The following CABLES1 variants were observed in gnomAD, a reference collection of about 807,000 sequenced individuals.
CABLES1 encodes the protein Cdk5 and Abl enzyme substrate 1, also known as CDK5 and ABL1 enzyme substrate 1.
A neutral mutation model predicts 57.8 loss-of-function variants in CABLES1; 36 were observed. That is an observed-to-expected ratio of 0.62 (90% CI 0.48 to 0.82). The LOEUF is 0.82. CABLES1 is among the 40% of genes least tolerant of loss of function. CABLES1 has a pLI of 0.00. For synonymous variants in CABLES1, 374 were observed against 363.0 expected, an observed-to-expected ratio of 1.03 and a Z score of -0.35; for missense variants, 767 against 836.6, an observed-to-expected ratio of 0.92 and a Z score of 1.03.
At chr18:23,214,215 T>G in intron 4 of CABLES1, 161 bp downstream of exon 4, 1 of 578,190 alleles carries the variant, frequency 1.7e-6, no homozygotes, top group Non-Finnish European at 3.0e-6. Context: ...TCCACTTTCT[T>G]TTCAGCCAGA....
intron 3 of CABLES1, 59 bp from the exon 4 acceptor site, chr18:23,213,918 T>G: frequency 8.1e-7 from 1 of 1,231,904 alleles, no homozygotes; most frequent in East Asian, 2.3e-5. Flanking sequence ...GATTTTGTTT[T>G]TTAGTTTGAT....
chr18:23,143,251 G>A (rs1315466273), intron 1 of CABLES1, among the ~76,000 whole-genome samples: 2 of 152,192 alleles, frequency 1.3e-5, no homozygotes, highest in African/African-American at 4.8e-5. Flanking sequence ...TGTGACTCTG[G>A]CAATTAACTC....
At chr18:23,208,883 T>A (rs1598830712) in intron 3 of CABLES1, among the ~76,000 whole-genome samples, 1 of 152,238 alleles carries the variant, frequency 6.6e-6, no homozygotes, top group East Asian at 1.9e-4. Context: ...GCTGCATCAC[T>A]TCCATCTCTG....
At chr18:23,157,925 G>A (rs2046976471) in intron 1 of CABLES1, among the ~76,000 whole-genome samples, 1 of 152,092 alleles carries the variant, frequency 6.6e-6, no homozygotes, top group Non-Finnish European at 1.5e-5. Flanking sequence ...TATTCTCCAC[G>A]TTGGGCAATT....
chr18:23,183,580 G>A (rs1004165506), intron 1 of CABLES1, among the ~76,000 whole-genome samples: 2 of 152,190 alleles, frequency 1.3e-5, no homozygotes, highest in African/African-American at 4.8e-5. Context: ...GATCTAACTT[G>A]TAACTGTCAG....
At chr18:23,162,345 T>G (rs1189341086) in intron 1 of CABLES1, among the ~76,000 whole-genome samples, 1 of 152,250 alleles carries the variant, frequency 6.6e-6, no homozygotes, top group East Asian at 1.9e-4. Context: ...ACATTCATTA[T>G]TAGCTTAGAC....
chr18:23,134,621 G>A (rs2046803908), upstream of CABLES1: 1 of 152,226 alleles, frequency 6.6e-6, no homozygotes, highest in Admixed American at 6.5e-5. Flanking sequence ...TTATGAGGGA[G>A]AAGAGATCAT....
At chr18:23,200,938 T>C (rs1055850049) in intron 3 of CABLES1, among the ~76,000 whole-genome samples, 1 of 152,184 alleles carries the variant, frequency 6.6e-6, no homozygotes, top group African/African-American at 2.4e-5. Context: ...CCCGCCAGCG[T>C]TATCTCCTGC....
intron 1 of CABLES1, among the ~76,000 whole-genome samples, chr18:23,142,742 C>T (rs1203835215): frequency 6.6e-6 from 1 of 152,088 alleles, no homozygotes; most frequent in African/African-American, 2.4e-5. Context: ...CATAAGTAAA[C>T]GGGCAAGTTG....
In CABLES1 at chr18:23,257,439, ATG is replaced by A; in HGVS notation, c.*73_*74del. On this transcript the variant is annotated 3_prime_UTR_variant, in exon 10 of 10. Transcript: ENST00000256925. Reference sequence around the variant, plus strand: ...GAGCAGCACTTACTTACTACTGGAAATGAAAAAAAGTAGAACTCAGAATACCA... The same window carrying A: ...GAGCAGCACTTACTTACTACTGGAAAAAAAAAAGTAGAACTCAGAATACCA... 2.0e-6 allele frequency: 3 copies of A among 1,481,344 alleles called. No individual in the cohort carries two copies. Among genetic ancestry groups the A allele is most frequent in the African/African-American group, 1.4e-5 (1 of 69,942 alleles). The allele number at this position is 1,481,344 out of a possible 1,614,324, so 91.8% of individuals were successfully genotyped here.
At position 23,235,960 on chromosome 18, in the gene CABLES1, C is replaced by T. The variant is rs1317083650; in HGVS notation, c.1251C>T (p.Asp417=). Residue 417 remains aspartate (D), a synonymous_variant, in exon 6 of 10, where the codon GAC becomes GAT. Transcript: ENST00000256925. ...NAFGARRNTI[D]STSSFSQFRN... ...TTGGAGCCCGGAGAAATACCATAGA[C>T]TCCACCTCCTCTTTCTCCCAGTTCC... 4.3e-6 allele frequency: 7 copies of T among 1,614,082 alleles called. No homozygotes were observed. The Admixed American group carries it at 1.2e-4, about 27-fold the overall frequency.
chr18:23,252,817 C>T (rs2145134452), intron 7 of CABLES1, 143 bp from the exon 8 acceptor site: 2 of 572,438 alleles, frequency 3.5e-6, no homozygotes, highest in South Asian at 4.0e-5. Flanking sequence ...CTCCTGGATT[C>T]CGCCGAGCCC....
At chr18:23,245,311 C>T (rs1386657785) in intron 7 of CABLES1, among the ~76,000 whole-genome samples, 2 of 152,058 alleles carry the variant, frequency 1.3e-5, no homozygotes, top group Non-Finnish European at 2.9e-5. Flanking sequence ...AGTTGGAGAC[C>T]AGCCTAGCCA....
chr18:23,177,477 C>A (rs2047132789), intron 1 of CABLES1, among the ~76,000 whole-genome samples: 1 of 151,628 alleles, frequency 6.6e-6, no homozygotes, highest in African/African-American at 2.4e-5. Flanking sequence ...GTGATACCAG[C>A]CCCAGCCCCG....
At position 23,257,328 on chromosome 18, in the gene CABLES1, A is replaced by G. The variant is rs550806538; in HGVS notation, c.1863A>G (p.Glu621=). Residue 621 remains glutamate, a synonymous_variant, in exon 10 of 10, where the codon GAA becomes GAG. Transcript: ENST00000256925. ...LEFALHLPEH[E]VMPHYRRLVQ... ...TCGCCCTCCACTTGCCCGAGCACGA[A>G]GTCATGCCCCACTACAGACGGCTGG... 1.2e-6 allele frequency: 2 copies of G among 1,613,680 alleles called. No homozygotes were observed. Among genetic ancestry groups the G allele is most frequent in the African/African-American group, 1.3e-5 (1 of 74,970 alleles).
chr18:23,235,996 C>A lies in CABLES1; in HGVS notation c.1287C>A (p.Ser429Arg). ...CTTTCTCCCAGTTCCGTAACCTGAGCCACCGCAGCCTCTCCATAGGCCGGG... is the reference window on the plus strand; with the variant it reads ...CTTTCTCCCAGTTCCGTAACCTGAGACACCGCAGCCTCTCCATAGGCCGGG... Reference protein sequence around the residue: ...TSSFSQFRNLSHRSLSIGRAS... With the variant: ...TSSFSQFRNLRHRSLSIGRAS... The change falls in exon 6 of 10, where the codon AGC becomes AGA. Residue 429 changes from serine (S) to arginine (R), a missense_variant. By Grantham distance (110) the Ser-to-Arg change is moderately radical. Around this residue, in one of 4 missense-constraint regions of CABLES1, gnomAD observed 529 missense variants for 622.8 expected, o/e 0.85. Coordinates refer to ENST00000256925, the MANE Select transcript of CABLES1 (RefSeq NM_001100619.3). 6.2e-7 allele frequency: 1 copy of A among 1,614,240 alleles called. No individual in the cohort carries two copies. Among genetic ancestry groups the A allele is most frequent in the Non-Finnish European group, 8.5e-7 (1 of 1,180,052 alleles).
intron 1 of CABLES1, among the ~76,000 whole-genome samples, chr18:23,141,277 C>T (rs540880915): frequency 5.9e-5 from 9 of 152,324 alleles, no homozygotes; most frequent in East Asian, 1.9e-4. Flanking sequence ...CTGCCCCTCC[C>T]GCTGCATTGC....
intron 1 of CABLES1, among the ~76,000 whole-genome samples, chr18:23,174,658 G>C (rs1378707420): frequency 6.6e-6 from 1 of 151,498 alleles, no homozygotes. Context: ...ATTTTTAGTA[G>C]AGACAGGATT....
chr18:23,155,938 T>A (rs1165692198), intron 1 of CABLES1: 1 of 1,614,204 alleles, frequency 6.2e-7, no homozygotes, highest in Admixed American at 1.7e-5. Context: ...CAAGAATATA[T>A]GCTGATTTTC....
Sources: gnomAD v4.1 joint callset for allele counts (sites outside exome capture counted in the v4.1 genomes callset) on GRCh38, gnomAD v4.1.1 for gene constraint, gnomAD v4.1.1 regional missense constraint, MANE v1.5 for transcripts, NCBI Gene and HGNC (gene_info 2026-07-23, HGNC 2026-07-21) for gene names.